CYFIP2: variants seen among roughly 807,000 people sequenced by gnomAD.
The protein encoded by CYFIP2 is cytoplasmic FMR1 interacting protein 2.
CYFIP2 carries 29 observed loss-of-function variants against 158.7 expected under a neutral mutation model. The observed-to-expected ratio is 0.18, with a 90% confidence interval of 0.14 to 0.25. The LOEUF (loss-of-function observed/expected upper bound fraction) is 0.25. Among genes scored for constraint, CYFIP2 ranks in the 10% least tolerant of loss-of-function variants. CYFIP2 has a pLI of 1.00. For missense variants in CYFIP2, 852 were observed against 1,639.5 expected, an observed-to-expected ratio of 0.52 and a Z score of 8.29; for synonymous variants, 585 against 617.6, an observed-to-expected ratio of 0.95 and a Z score of 0.78.
At chr5:157,282,959 G>A (rs116060622) in intron 1 of CYFIP2, among the ~76,000 whole-genome samples, 1,764 of 152,334 alleles carry the variant, frequency 0.012, 35 homozygotes, top group African/African-American at 0.038. Context: ...CACAAGCAGG[G>A]CCAAGAACCA....
chr5:157,369,882 T>TTGTTTTTTG (rs201862778), intron 26 of CYFIP2, among the ~76,000 whole-genome samples: 2 of 80,802 alleles, frequency 2.5e-5, no homozygotes, highest in Admixed American at 1.2e-4. Flanking sequence ...GGACCTAGTT[T>TTGTTTTTTG]TTTTTTTTTT....
chr5:157,367,508 C>G (rs2113412683), intron 26 of CYFIP2, among the ~76,000 whole-genome samples: 1 of 152,300 alleles, frequency 6.6e-6, no homozygotes, highest in South Asian at 2.1e-4. Flanking sequence ...GCCTTGGAGT[C>G]CAAAGATCCT....
At chr5:157,327,643 C>T (rs996887468) in intron 18 of CYFIP2, among the ~76,000 whole-genome samples, 1 of 151,990 alleles carries the variant, frequency 6.6e-6, no homozygotes, top group Non-Finnish European at 1.5e-5. Flanking sequence ...GGGAGGCTGC[C>T]GAGTTAGCGG....
intron 26 of CYFIP2, among the ~76,000 whole-genome samples, chr5:157,367,751 CTTTTTT>C (rs373446663): frequency 8.1e-6 from 1 of 123,582 alleles, no homozygotes; most frequent in African/African-American, 3.1e-5. Flanking sequence ...CCTCTGTTCA[CTTTTTT>C]TTTTTTTTTT....
At chr5:157,366,737 A>C (rs1764408379) in intron 26 of CYFIP2, among the ~76,000 whole-genome samples, 1 of 152,122 alleles carries the variant, frequency 6.6e-6, no homozygotes, top group Non-Finnish European at 1.5e-5. Context: ...AAGTATTTTT[A>C]TATGTATCAG....
At chr5:157,272,480 T>G (rs1756186526) in intron 1 of CYFIP2, among the ~76,000 whole-genome samples, 1 of 152,228 alleles carries the variant, frequency 6.6e-6, no homozygotes, top group Non-Finnish European at 1.5e-5. Context: ...AGCCTTATAA[T>G]GAAAAACAAC....
chr5:157,358,908 G>A, intron 23 of CYFIP2, 97 bp from the exon 24 acceptor site: 1 of 1,500,952 alleles, frequency 6.7e-7, no homozygotes, highest in Non-Finnish European at 9.2e-7. Context: ...TCGTAACACT[G>A]GGTTCCTAAT....
chr5:157,352,680 G>A (rs1170003768), intron 23 of CYFIP2, among the ~76,000 whole-genome samples: 1 of 152,162 alleles, frequency 6.6e-6, no homozygotes, highest in Non-Finnish European at 1.5e-5. Context: ...TGCCTTACCT[G>A]GTTTAGAAGG....
chr5:157,388,495 A>C (rs1766920968), intron 28 of CYFIP2, among the ~76,000 whole-genome samples: 1 of 152,166 alleles, frequency 6.6e-6, no homozygotes, highest in Non-Finnish European at 1.5e-5. Context: ...CCCACTCACT[A>C]CTCCAAGCCC....
In CYFIP2 at chr5:157,324,042, CCTT is replaced by C; in HGVS notation, c.1801_1803del (p.Phe601del). On this transcript the variant is annotated inframe_deletion, in exon 16 of 31. Coordinates refer to ENST00000620254, the MANE Select transcript of CYFIP2 (RefSeq NM_001037333.3). ...GCCATAGAGGACTTTCACAAACAGT[CCTT>C]CTTCTTCACACATCTGCTCAACATC... The C allele has an allele frequency of 6.2e-7, 1 of 1,613,670 alleles. No individual in the cohort carries two copies. Among genetic ancestry groups the C allele is most frequent in the Non-Finnish European group, 8.5e-7 (1 of 1,179,782 alleles).
intron 23 of CYFIP2, among the ~76,000 whole-genome samples, chr5:157,344,663 TAGTC>T (rs1213852747): frequency 1.3e-5 from 2 of 152,232 alleles, no homozygotes; most frequent in Non-Finnish European, 2.9e-5. Context: ...GAGACAGTCA[TAGTC>T]AGCCTACGCA....
Position 157,315,089 on chromosome 5 carries a change from G to A in CYFIP2, c.1351G>A (p.Val451Ile), listed in dbSNP as rs1418524864. The A allele has an allele frequency of 1.2e-6, 2 of 1,613,628 alleles. No individual in the cohort carries two copies. The highest frequency in any genetic ancestry group is 1.7e-6 in the Non-Finnish European group (2 of 1,179,800). The change falls in exon 13 of 31, where the codon GTT becomes ATT. Residue 451 changes from valine to isoleucine, a missense_variant. Val to Ile is a conservative substitution (Grantham distance 29). Around this residue, in one of 8 missense-constraint regions of CYFIP2, gnomAD observed 167 missense variants for 343.3 expected, o/e 0.49. Transcript: ENST00000620254. ...NYTSEEKFAF[V>I]EVIAMIKGLQ... ...CACCAGTGAGGAAAAATTTGCCTTC[G>A]TTGAGGTAGGTGCAGACTCCCTGCA... is the stretch of plus-strand genomic sequence containing the variant.
In CYFIP2 at chr5:157,392,190, G is replaced by A. The variant is rs117380837; in HGVS notation, c.3595-643G>A. Among the ~76,000 whole-genome samples, 989 of 151,360 alleles carry A rather than the reference G, an allele frequency of 6.5e-3. 14 individuals are homozygous for A. Among genetic ancestry groups the A allele is most frequent in the African/African-American group, 0.022 (923 of 41,224 alleles). ...AATTTGTGATTATTTTCTATTTTTC[G>A]GTTGCCTTTTCATTCTCATGGTGTC... is the stretch of plus-strand genomic sequence containing the variant. On this transcript the variant is annotated intron_variant, in intron 30 of 30. Transcript: ENST00000620254.
intron 15 of CYFIP2, chr5:157,322,871 T>TCTCTCTCTCC (rs1760718053): frequency 2.8e-6 from 4 of 1,407,598 alleles, no homozygotes; most frequent in Non-Finnish European, 3.9e-6. Flanking sequence ...TCTCTCTCTT[T>TCTCTCTCTCC]CTCTCTCTCC....
intron 20 of CYFIP2, among the ~76,000 whole-genome samples, chr5:157,331,322 G>T (rs1431973128): frequency 6.6e-6 from 1 of 150,964 alleles, no homozygotes; most frequent in Non-Finnish European, 1.5e-5. Flanking sequence ...ATGTAGAGGA[G>T]ATGTTGCTGG....
intron 28 of CYFIP2, chr5:157,385,061 G>C (rs1347926118): frequency 1.3e-5 from 2 of 151,626 alleles, no homozygotes; most frequent in Non-Finnish European, 2.9e-5. Context: ...AGGCTAAACA[G>C]AGGAGATCCT....
intron 23 of CYFIP2, among the ~76,000 whole-genome samples, chr5:157,349,354 G>A (rs1050600157): frequency 7.9e-5 from 12 of 152,116 alleles, no homozygotes; most frequent in African/African-American, 2.9e-4. Context: ...TCCCACTCAA[G>A]TGAGAACATA....
At chr5:157,384,563 A>ATCC (rs1302078980) in intron 28 of CYFIP2, 1 of 450,054 alleles carries the variant, frequency 2.2e-6, no homozygotes, top group Non-Finnish European at 4.5e-6. Flanking sequence ...GCAAAGCCTC[A>ATCC]TCTGCACAGA....
At chr5:157,286,981 T>C in intron 2 of CYFIP2, 38 bp from the exon 3 acceptor site, 1 of 1,580,034 alleles carries the variant, frequency 6.3e-7, no homozygotes, top group Non-Finnish European at 8.7e-7. Flanking sequence ...GGAACTGTTT[T>C]CTAACAACCA....
Sources: allele counts gnomAD v4.1 joint callset (sites outside exome capture counted in the v4.1 genomes callset), GRCh38; gene constraint gnomAD v4.1.1; regional missense constraint gnomAD v4.1.1; transcripts MANE v1.5; gene names NCBI Gene and HGNC (gene_info 2026-07-23, HGNC 2026-07-21).